Variants in MARCHF1 observed in about 807,000 individuals in gnomAD.
MARCHF1 encodes the protein E3 ubiquitin-protein ligase MARCHF1.
In MARCHF1, 40 loss-of-function variants were observed where a neutral mutation model predicts 54.2. The observed-to-expected ratio is 0.74, with a 90% CI of 0.57 to 0.96. The LOEUF is 0.96. MARCHF1 is among the 40% of genes least tolerant of loss of function. The pLI, the probability that MARCHF1 is intolerant of heterozygous loss-of-function variation, is 0.00. For missense variants in MARCHF1, 586 were observed against 656.5 expected (o/e 0.89, Z 1.17); for synonymous variants, 236 against 236.3 (o/e 1.00, Z 0.01).
At chr4:163,915,114 C>G (rs1299338686) in intron 3 of MARCHF1, among the ~76,000 whole-genome samples, 1 of 151,986 alleles carries the variant, frequency 6.6e-6, no homozygotes, top group Non-Finnish European at 1.5e-5. Flanking sequence ...TTTTTAAAAA[C>G]CACCTCTTGC....
At chr4:164,047,696 T>A (rs2111035125) in intron 2 of MARCHF1, among the ~76,000 whole-genome samples, 1 of 152,314 alleles carries the variant, frequency 6.6e-6, no homozygotes, top group East Asian at 1.9e-4. Context: ...GACCCTTGTG[T>A]GTCATTTCTG....
chr4:164,197,621 C>T, intron 1 of MARCHF1: 1 of 1,613,052 alleles, frequency 6.2e-7, no homozygotes. Flanking sequence ...AGTTTGCCTT[C>T]ATTCGACCGA....
At chr4:163,647,764 C>A (rs1236012905) in intron 5 of MARCHF1, among the ~76,000 whole-genome samples, 3 of 151,638 alleles carry the variant, frequency 2.0e-5, no homozygotes, top group Admixed American at 2.0e-4. Flanking sequence ...CAAAGCAGTT[C>A]TGTGACAAAA....
intron 1 of MARCHF1, among the ~76,000 whole-genome samples, chr4:164,261,273 G>A (rs1281440629): frequency 6.6e-6 from 1 of 151,982 alleles, no homozygotes; most frequent in Admixed American, 6.6e-5. Flanking sequence ...TTTATTACAG[G>A]AGCCCTAGGA....
At chr4:164,029,170 G>A (rs567320138) in intron 2 of MARCHF1, among the ~76,000 whole-genome samples, 1 of 152,100 alleles carries the variant, frequency 6.6e-6, no homozygotes, top group African/African-American at 2.4e-5. Context: ...TTGATACTTG[G>A]CAATTTATTT....
At chr4:163,536,318 A>G (rs1278697228) in intron 9 of MARCHF1, among the ~76,000 whole-genome samples, 2 of 152,106 alleles carry the variant, frequency 1.3e-5, no homozygotes, top group Non-Finnish European at 2.9e-5. Flanking sequence ...TTCCTTATAC[A>G]TGCCTGGAAG....
chr4:163,555,782 G>A (rs1739265616), intron 8 of MARCHF1: 1 of 332,470 alleles, frequency 3.0e-6, no homozygotes, highest in Non-Finnish European at 6.3e-6. Context: ...CGGACTCTTG[G>A]ATGACACTGC....
intron 1 of MARCHF1, among the ~76,000 whole-genome samples, chr4:164,331,171 T>C (rs1018056408): frequency 1.3e-5 from 2 of 152,122 alleles, no homozygotes; most frequent in Non-Finnish European, 2.9e-5. Flanking sequence ...CCTAAGTGAA[T>C]AGCATTACCT....
chr4:164,150,177 G>A (rs937148799), intron 1 of MARCHF1, among the ~76,000 whole-genome samples: 10 of 152,152 alleles, frequency 6.6e-5, no homozygotes, highest in African/African-American at 2.2e-4. Flanking sequence ...ATCTGTCACA[G>A]AGGTCAAATA....
chr4:164,044,056 C>T (rs1238061406), intron 2 of MARCHF1, among the ~76,000 whole-genome samples: 1 of 152,168 alleles, frequency 6.6e-6, no homozygotes, highest in Non-Finnish European at 1.5e-5. Context: ...CAAAACCATT[C>T]AACAACTCTC....
intron 2 of MARCHF1, among the ~76,000 whole-genome samples, chr4:164,066,208 C>T (rs1754726595): frequency 6.6e-6 from 1 of 151,766 alleles, no homozygotes; most frequent in African/African-American, 2.4e-5. Flanking sequence ...AAAAAGTGGA[C>T]AAATGATATA....
intron 1 of MARCHF1, among the ~76,000 whole-genome samples, chr4:164,295,443 C>A: frequency 1.2e-5 from 1 of 80,016 alleles, no homozygotes; most frequent in South Asian, 3.6e-4. Context: ...CACACATACA[C>A]ACAAACACAC....
At chr4:164,179,031 T>A (rs1730763033) in intron 1 of MARCHF1, among the ~76,000 whole-genome samples, 1 of 152,100 alleles carries the variant, frequency 6.6e-6, no homozygotes, top group Non-Finnish European at 1.5e-5. Context: ...GCACGCAGAC[T>A]CTCCCTGTGT....
intron 1 of MARCHF1, among the ~76,000 whole-genome samples, chr4:164,165,358 C>T (rs1431384553): frequency 6.7e-6 from 1 of 148,876 alleles, no homozygotes; most frequent in Non-Finnish European, 1.5e-5. Context: ...CACGTTTTCT[C>T]TCTGTCTCTC....
chr4:163,741,706 G>T (rs1272825314), intron 4 of MARCHF1, among the ~76,000 whole-genome samples: 5 of 152,128 alleles, frequency 3.3e-5, no homozygotes, highest in Non-Finnish European at 7.3e-5. Context: ...ATTCCCTGTG[G>T]AATTCTGTCT....
rs138729616 is a variant in MARCHF1, at chr4:164,186,535, G to A, written c.-322-74873C>T. On this transcript the variant is annotated intron_variant, in intron 1 of 9. Transcript: ENST00000514618. Reference sequence around the variant, plus strand: ...TGGAAGGGTGACTTTTGTGTTATCTGACCCTACTGTTCCATTCTTAAAAGC... The same window carrying A: ...TGGAAGGGTGACTTTTGTGTTATCTAACCCTACTGTTCCATTCTTAAAAGC... Among the ~76,000 whole-genome samples, 262 of 152,218 alleles carry A rather than the reference G, an allele frequency of 1.7e-3. 1 individual carries two copies. The highest frequency in any genetic ancestry group is 5.8e-3 in the African/African-American group (242 of 41,538).
intron 3 of MARCHF1, among the ~76,000 whole-genome samples, chr4:163,889,826 G>T (rs1750614925): frequency 6.8e-6 from 1 of 146,386 alleles, no homozygotes; most frequent in Non-Finnish European, 1.5e-5. Context: ...GTTCCCAAGT[G>T]ATTACTGCCA....
At chr4:163,937,755 A>C (rs1435411737) in intron 3 of MARCHF1, among the ~76,000 whole-genome samples, 2 of 152,166 alleles carry the variant, frequency 1.3e-5, no homozygotes, top group Admixed American at 1.3e-4. Context: ...TGGCTGTTTC[A>C]ACTTATAATT....
rs1579593134 is a variant in MARCHF1, at chr4:164,172,410, G to T, written c.-322-60748C>A. Among the ~76,000 whole-genome samples, 12 of 152,094 alleles carry T rather than the reference G, an allele frequency of 7.9e-5. No individual in the cohort carries two copies. In the South Asian group the frequency reaches 2.5e-3, roughly 32 times the overall value. On this transcript the variant is annotated intron_variant, in intron 1 of 9. Transcript: ENST00000514618. ...TACCTTCTTTGTTCTAAGCACTAGG[G>T]AAAGAATGAAGCCCCTAGACGATGT...
Sources: allele counts gnomAD v4.1 joint callset (sites outside exome capture counted in the v4.1 genomes callset), GRCh38; gene constraint gnomAD v4.1.1; transcripts MANE v1.5; gene names NCBI Gene and HGNC (gene_info 2026-07-23, HGNC 2026-07-21).